Variants in LPA observed in about 807,000 individuals in gnomAD.
LPA encodes the protein apolipoprotein(a).
LPA carries 199 observed loss-of-function variants against 197.9 expected under a neutral mutation model. The ratio of observed to expected loss-of-function variants is 1.01; its 90% CI spans 0.90 to 1.13. LPA has a LOEUF of 1.13. LPA is among the 50% of genes most tolerant of loss of function. The pLI is 0.00. For missense variants in LPA, 1,853 were observed against 1,785.8 expected (o/e 1.04, Z -0.68); for synonymous variants, 715 against 639.5 (o/e 1.12, Z -1.78).
chr6:160,601,154 T>A, intron 18 of LPA, 56 bp from the exon 19 acceptor site: 1 of 1,530,136 alleles, frequency 6.5e-7, no homozygotes, highest in Non-Finnish European at 9.1e-7. Flanking sequence ...GCAGGAACAC[T>A]GTATATTTTG....
chr6:160,611,325 G>A (rs1407687226), intron 16 of LPA, among the ~76,000 whole-genome samples: 2 of 152,064 alleles, frequency 1.3e-5, no homozygotes, highest in African/African-American at 4.8e-5. Context: ...TCTTCATAAG[G>A]TGATCTCCTC....
chr6:160,610,668 T>C (rs1209934574), intron 16 of LPA, among the ~76,000 whole-genome samples: 1 of 152,146 alleles, frequency 6.6e-6, no homozygotes, highest in Non-Finnish European at 1.5e-5. Context: ...CCAGTTCTTA[T>C]TTGTAGCGGA....
chr6:160,599,480 G>A lies in LPA; in HGVS notation c.3287+20C>T. The A allele has an allele frequency of 6.2e-7, 1 of 1,612,820 alleles. No individual in the cohort carries two copies. The highest frequency in any genetic ancestry group is 1.9e-4 in the Middle Eastern group (1 of 5,236). Reference sequence around the variant, plus strand: ...TTCCATTGGCCCTTCCTTCGCTTATGGTAAAGAACAAAGACGTACGCATTT... The same window carrying A: ...TTCCATTGGCCCTTCCTTCGCTTATAGTAAAGAACAAAGACGTACGCATTT... On this transcript the variant is annotated intron_variant, in intron 20 of 38. Transcript: ENST00000316300.
At chr6:160,544,723 G>C (rs1371547381) in intron 33 of LPA, among the ~76,000 whole-genome samples, 2 of 152,194 alleles carry the variant, frequency 1.3e-5, no homozygotes, top group Non-Finnish European at 2.9e-5. Context: ...GGACAGACAA[G>C]TTGATTGGTC....
intron 36 of LPA, 43 bp from the exon 37 acceptor site, chr6:160,538,004 G>T (rs953335694): frequency 6.4e-7 from 1 of 1,554,984 alleles, no homozygotes; most frequent in Non-Finnish European, 8.9e-7. Flanking sequence ...TGCCCAGCTG[G>T]AAGTGGCAGT....
chr6:160,660,768 C>CA (rs150415123), intron 1 of LPA, among the ~76,000 whole-genome samples: 11,142 of 146,122 alleles, frequency 0.076, 545 homozygotes, highest in Non-Finnish European at 0.12. Context: ...AAAAATTAAG[C>CA]AAAAAAAAAA....
At chr6:160,589,190 C>T (rs777318675) in intron 24 of LPA, among the ~76,000 whole-genome samples, 14 of 152,242 alleles carry the variant, frequency 9.2e-5, no homozygotes, top group Admixed American at 6.5e-4. Flanking sequence ...ACAACCTTCA[C>T]TCCAGGGCTT....
chr6:160,563,446 T>G (rs1778395857), intron 28 of LPA, among the ~76,000 whole-genome samples: 1 of 152,226 alleles, frequency 6.6e-6, no homozygotes, highest in Non-Finnish European at 1.5e-5. Context: ...TTGTTATGAT[T>G]TCCATTCTAC....
chr6:160,537,987 G>A (rs984383132), intron 36 of LPA, 26 bp from the exon 37 acceptor site: 1 of 1,597,782 alleles, frequency 6.3e-7, no homozygotes, highest in Non-Finnish European at 8.6e-7. Context: ...TAGCAGTTAT[G>A]TTTCACTGCC....
intron 1 of LPA, among the ~76,000 whole-genome samples, chr6:160,657,848 C>A (rs573885197): frequency 6.6e-6 from 1 of 152,246 alleles, no homozygotes; most frequent in Non-Finnish European, 1.5e-5. Context: ...GCCTGTTCTC[C>A]AGATTTCTGC....
chr6:160,537,055 G>C (rs1267796337), intron 37 of LPA, among the ~76,000 whole-genome samples: 1 of 152,086 alleles, frequency 6.6e-6, no homozygotes, highest in Non-Finnish European at 1.5e-5. Flanking sequence ...GTTTTCCAGG[G>C]CCCCAGACTC....
chr6:160,580,774 T>G (rs1471581129), intron 26 of LPA, among the ~76,000 whole-genome samples: 1 of 152,250 alleles, frequency 6.6e-6, no homozygotes, highest in East Asian at 1.9e-4. Context: ...CTCTGATTAG[T>G]GAGTGGGAGA....
chr6:160,583,266 T>G (rs547667365), intron 26 of LPA, among the ~76,000 whole-genome samples: 1 of 152,310 alleles, frequency 6.6e-6, no homozygotes, highest in South Asian at 2.1e-4. Context: ...CCACACATTG[T>G]GCATACTATA....
At position 160,548,529 on chromosome 6, in the gene LPA, C is replaced by T. The variant is rs764211344; in HGVS notation, c.5104G>A (p.Ala1702Thr). The T allele has an allele frequency of 1.9e-5, 30 of 1,613,882 alleles. No homozygotes were observed. The highest frequency in any genetic ancestry group is 4.5e-5 in the East Asian group (2 of 44,894). ...GGAACCTGGATGACAGTCGGAGGAG[C>T]GACCACAGTCCCTTCTGTGTCTGAG... is the stretch of plus-strand genomic sequence containing the variant. Reference protein sequence around the residue: ...RCSDTEGTVVAPPTVIQVPSL... With the variant: ...RCSDTEGTVVTPPTVIQVPSL... The change falls in exon 31 of 39, where the codon GCT (alanine) becomes ACT (threonine). Residue 1702 changes from alanine to threonine, a missense_variant. Physicochemically the swap from Ala to Thr is moderately conservative, Grantham distance 58. Around this residue, in one of 3 missense-constraint regions of LPA, gnomAD observed 1,737 missense variants for 1,504.4 expected, o/e 1.15. Transcript: ENST00000316300.
At chr6:160,549,092 A>G (rs1778128147) in intron 30 of LPA, among the ~76,000 whole-genome samples, 1 of 152,154 alleles carries the variant, frequency 6.6e-6, no homozygotes, top group African/African-American at 2.4e-5. Flanking sequence ...GGGAAATGCC[A>G]GACACTTACA....
At chr6:160,556,911 T>C (rs1778274350) in intron 29 of LPA, among the ~76,000 whole-genome samples, 1 of 151,960 alleles carries the variant, frequency 6.6e-6, no homozygotes, top group Non-Finnish European at 1.5e-5. Flanking sequence ...AGAGAAATAG[T>C]GTATTCTGTG....
chr6:160,647,811 G>C (rs1399909477), intron 2 of LPA, among the ~76,000 whole-genome samples: 2 of 152,062 alleles, frequency 1.3e-5, no homozygotes, highest in Admixed American at 6.6e-5. Flanking sequence ...AAATATATTG[G>C]TATCATTTTG....
intron 28 of LPA, among the ~76,000 whole-genome samples, chr6:160,569,828 A>G (rs1442881692): frequency 6.6e-6 from 1 of 152,250 alleles, no homozygotes; most frequent in East Asian, 1.9e-4. Flanking sequence ...GGCAAAGGAT[A>G]TTAACAGACA....
intron 24 of LPA, 25 bp downstream of exon 24, chr6:160,589,528 C>T (rs1302194398): frequency 6.2e-7 from 1 of 1,612,276 alleles, no homozygotes. Flanking sequence ...GGCTGTTTCT[C>T]TTGGGAGAAA....
Sources: gnomAD v4.1 joint callset for allele counts (sites outside exome capture counted in the v4.1 genomes callset) on GRCh38, gnomAD v4.1.1 for gene constraint, gnomAD v4.1.1 regional missense constraint, MANE v1.5 for transcripts, NCBI Gene and HGNC (gene_info 2026-07-23, HGNC 2026-07-21) for gene names.